Variants in BET1 observed in about 807,000 individuals in gnomAD.
The protein encoded by BET1 is BET1 homolog.
BET1 carries 9 observed loss-of-function variants against 13.9 expected under a neutral mutation model. That is an observed-to-expected ratio of 0.65 (90% CI 0.39 to 1.13). The LOEUF is 1.13. Ranked by LOEUF, BET1 falls within the 50% of genes most tolerant of loss-of-function variation. The pLI is 0.01. For synonymous variants in BET1, 39 were observed against 47.3 expected, an observed-to-expected ratio of 0.82 and a Z score of 0.72; for missense variants, 127 against 133.6, an observed-to-expected ratio of 0.95 and a Z score of 0.24.
At chr7:93,998,579 A>G (rs1795822279) in intron 2 of BET1, among the ~76,000 whole-genome samples, 1 of 152,136 alleles carries the variant, frequency 6.6e-6, no homozygotes, top group Non-Finnish European at 1.5e-5. Context: ...GGCACCTGCA[A>G]TCGCAGCTAT....
intron 6 of BET1, among the ~76,000 whole-genome samples, chr7:93,971,382 C>T (rs928003795): frequency 2.4e-4 from 36 of 151,682 alleles, no homozygotes; most frequent in Admixed American, 2.0e-3. Context: ...AATCCAAGTC[C>T]ATGCCATCAA....
chr7:93,999,353 GT>G, intron 1 of BET1, 59 bp from the exon 2 acceptor site: 1 of 1,546,194 alleles, frequency 6.5e-7, no homozygotes, highest in South Asian at 1.3e-5. Flanking sequence ...AACACTGTTA[GT>G]TAGGAAAGAA....
chr7:93,982,175 T>A (rs1238157065), intron 4 of BET1, among the ~76,000 whole-genome samples: 2 of 152,170 alleles, frequency 1.3e-5, no homozygotes, highest in Non-Finnish European at 2.9e-5. Flanking sequence ...TGGCAGAAGC[T>A]TAATAAATAT....
exon 7 of BET1, chr7:93,965,214 A>G (rs1309957584): frequency 6.6e-6 from 1 of 152,072 alleles, no homozygotes; most frequent in African/African-American, 2.4e-5. Context: ...ACAGACTTGA[A>G]GATGAAGATT....
chr7:93,968,826 GT>G (rs1342636900), intron 6 of BET1, among the ~76,000 whole-genome samples: 2 of 151,696 alleles, frequency 1.3e-5, no homozygotes, highest in Non-Finnish European at 3.0e-5. Context: ...TATATACAAA[GT>G]TCAAAGAAGG....
chr7:93,980,467 C>T (rs1422253713), intron 4 of BET1, among the ~76,000 whole-genome samples: 1 of 152,114 alleles, frequency 6.6e-6, no homozygotes, highest in East Asian at 1.9e-4. Context: ...CCTTGGGATT[C>T]AAGGGTGGTT....
chr7:93,967,269 G>T lies in BET1; in HGVS notation c.*138-1582C>A, dbSNP rs189167852. Among the ~76,000 whole-genome samples the T allele has an allele frequency of 2.5e-4, 38 of 151,950 alleles. 1 individual carries two copies. In the East Asian group the frequency reaches 6.4e-3, roughly 26 times the overall value. On this transcript the variant is annotated intron_variant and NMD_transcript_variant, in intron 6 of 6. Coordinates refer to the BET1 transcript ENST00000357520. ...TGTGCCTTACTCACTCAACCTTACA[G>T]TAGGTATTCATAGTCTGGTAACACT...
At chr7:93,998,542 T>C (rs1225173947) in intron 2 of BET1, among the ~76,000 whole-genome samples, 5 of 151,870 alleles carry the variant, frequency 3.3e-5, no homozygotes, top group African/African-American at 1.2e-4. Context: ...CTGCTAAAAA[T>C]ACAAAAATTA....
intron 2 of BET1, among the ~76,000 whole-genome samples, chr7:93,998,560 G>A (rs1795821838): frequency 6.6e-6 from 1 of 152,102 alleles, no homozygotes; most frequent in Non-Finnish European, 1.5e-5. Flanking sequence ...TTAGCCGGGT[G>A]TGGTGGCGGG....
chr7:93,993,965 A>C lies in BET1; in HGVS notation c.*265T>G. The C allele has an allele frequency of 3.3e-6, 5 of 1,532,962 alleles. No individual in the cohort carries two copies. The highest frequency in any genetic ancestry group is 4.4e-6 in the Non-Finnish European group (5 of 1,145,802). 95.0% of individuals were successfully genotyped at this position (1,532,962 alleles called of 1,614,324 possible). ...AATGCTATTTAATCTGACAGTTGGCAAACAATAGAAAAACAAACTGGAAAT... is the reference window on the plus strand; with the variant it reads ...AATGCTATTTAATCTGACAGTTGGCCAACAATAGAAAAACAAACTGGAAAT... On this transcript the variant is annotated 3_prime_UTR_variant, in exon 4 of 4. Transcript: ENST00000222547.
intron 4 of BET1, among the ~76,000 whole-genome samples, chr7:93,985,473 T>C (rs150138825): frequency 1.3e-5 from 2 of 152,302 alleles, no homozygotes; most frequent in East Asian, 3.9e-4. Context: ...GTTATTATTA[T>C]TAATCTGTGT....
intron 1 of BET1, among the ~76,000 whole-genome samples, chr7:94,003,057 G>A (rs1795945557): frequency 6.6e-6 from 1 of 151,544 alleles, no homozygotes; most frequent in African/African-American, 2.4e-5. Flanking sequence ...TCACAAACAG[G>A]GCAACAAACA....
At chr7:93,988,805 C>T (rs1481414418), downstream of BET1, among the ~76,000 whole-genome samples, 1 of 151,648 alleles carries the variant, frequency 6.6e-6, no homozygotes, top group Non-Finnish European at 1.5e-5. Flanking sequence ...GTTTAACTTT[C>T]TCCTGTCTCT....
At chr7:93,984,875 T>C (rs1562803329) in intron 4 of BET1, among the ~76,000 whole-genome samples, 1 of 152,176 alleles carries the variant, frequency 6.6e-6, no homozygotes. Flanking sequence ...ATGTCAGATA[T>C]CATGGAGTTA....
chr7:93,969,139 G>A (rs1795220907), intron 6 of BET1, among the ~76,000 whole-genome samples: 1 of 151,884 alleles, frequency 6.6e-6, no homozygotes, highest in Non-Finnish European at 1.5e-5. Context: ...GTTGCCCAAT[G>A]ACTTTGCCCT....
At chr7:93,968,996 C>T (rs1475028267) in intron 6 of BET1, among the ~76,000 whole-genome samples, 1 of 151,796 alleles carries the variant, frequency 6.6e-6, no homozygotes, top group Non-Finnish European at 1.5e-5. Flanking sequence ...TGACTTCACT[C>T]TTCTGTGAAA....
downstream of BET1, among the ~76,000 whole-genome samples, chr7:93,990,996 G>A (rs1319495950): frequency 6.6e-6 from 1 of 151,974 alleles, no homozygotes; most frequent in African/African-American, 2.4e-5. Flanking sequence ...AAAAGGACAA[G>A]GTGAATTACT....
chr7:93,991,845 C>T (rs1219896609), downstream of BET1: 5 of 969,046 alleles, frequency 5.2e-6, no homozygotes, highest in African/African-American at 8.8e-5. Context: ...TTATTGACTG[C>T]ATAAACCCAA....
chr7:93,983,275 T>G (rs1465430610), intron 4 of BET1, among the ~76,000 whole-genome samples: 1 of 152,214 alleles, frequency 6.6e-6, no homozygotes, highest in African/African-American at 2.4e-5. Context: ...CACTTCTTCA[T>G]GGAGTACGTC....
Sources: gnomAD v4.1 joint callset for allele counts (sites outside exome capture counted in the v4.1 genomes callset) on GRCh38, gnomAD v4.1.1 for gene constraint, MANE v1.5 for transcripts, NCBI Gene and HGNC (gene_info 2026-07-23, HGNC 2026-07-21) for gene names.